LEMD3: variants seen among roughly 807,000 people sequenced by gnomAD.
LEMD3 encodes LEM domain containing 3, also known as inner nuclear membrane protein Man1.
In LEMD3, 33 loss-of-function variants were observed where a neutral mutation model predicts 95.2. The ratio of observed to expected loss-of-function variants is 0.35; its 90% CI spans 0.26 to 0.46. The LOEUF is 0.46. Ranked by LOEUF, LEMD3 falls within the 20% of genes least tolerant of loss-of-function variation. The pLI is 1.00. For missense variants in LEMD3, 1,210 were observed against 1,192.8 expected (o/e 1.01, Z -0.21); for synonymous variants, 525 against 474.6 (o/e 1.11, Z -1.38).
chr12:65,214,569 C>A (rs1388514501), intron 2 of LEMD3, among the ~76,000 whole-genome samples: 1 of 152,136 alleles, frequency 6.6e-6, no homozygotes, highest in African/African-American at 2.4e-5. Flanking sequence ...AAGCATGCCA[C>A]CCATAGTGTG....
intron 1 of LEMD3, among the ~76,000 whole-genome samples, chr12:65,208,415 A>G (rs1427783119): frequency 6.6e-6 from 1 of 152,112 alleles, no homozygotes; most frequent in Non-Finnish European, 1.5e-5. Flanking sequence ...CTAGTGACTG[A>G]ATAAAGAATG....
intron 1 of LEMD3, among the ~76,000 whole-genome samples, chr12:65,176,101 G>C (rs1312664868): frequency 6.6e-6 from 1 of 152,134 alleles, no homozygotes; most frequent in Non-Finnish European, 1.5e-5. Context: ...ACCTAAAATG[G>C]TGTCCCTGCT....
chr12:65,190,296 G>A (rs1233174558), intron 1 of LEMD3, among the ~76,000 whole-genome samples: 1 of 152,112 alleles, frequency 6.6e-6, no homozygotes, highest in African/African-American at 2.4e-5. Context: ...CTGAAAGACT[G>A]CTTCAGGCCA....
chr12:65,169,682 G>C lies in LEMD3; in HGVS notation c.86G>C (p.Gly29Ala), dbSNP rs886049773. 1.3e-6 allele frequency: 2 copies of C among 1,585,940 alleles called. No individual in the cohort carries two copies. Among genetic ancestry groups the C allele is most frequent in the African/African-American group, 2.7e-5 (2 of 74,526 alleles). The change falls in exon 1 of 13, where the codon GGA becomes GCA. Residue 29 changes from glycine to alanine, a missense_variant. Around this residue, in one of 2 missense-constraint regions of LEMD3, gnomAD observed 749 missense variants for 622.9 expected, o/e 1.20. Coordinates refer to ENST00000308330, the MANE Select transcript of LEMD3 (RefSeq NM_014319.5). ...CTCCGCCGTTACGGCCTGTCTCCCG[G>C]ACCAGTGACGGAGAGCACCCGCCCG... ...SQLRRYGLSPGPVTESTRPVY... is the reference protein window; with the variant it reads ...SQLRRYGLSPAPVTESTRPVY...
intron 6 of LEMD3, among the ~76,000 whole-genome samples, chr12:65,239,167 G>A (rs959324453): frequency 2.0e-5 from 3 of 152,076 alleles, no homozygotes; most frequent in Admixed American, 6.6e-5. Flanking sequence ...TTTTTAAAAT[G>A]TAATTTACCT....
At chr12:65,240,272 A>C (rs773148290) in intron 8 of LEMD3, 34 bp downstream of exon 8, 2 of 1,436,002 alleles carry the variant, frequency 1.4e-6, no homozygotes, top group Non-Finnish European at 9.8e-7. Context: ...CAAGTAAATC[A>C]GAAAATTTAA....
chr12:65,222,780 T>C (rs1164679548), intron 4 of LEMD3, among the ~76,000 whole-genome samples: 1 of 152,040 alleles, frequency 6.6e-6, no homozygotes, highest in Non-Finnish European at 1.5e-5. Flanking sequence ...GGCTTACCAC[T>C]GTAAACCTCT....
intron 3 of LEMD3, 73 bp downstream of exon 3, chr12:65,216,116 A>G: frequency 1.0e-6 from 1 of 968,874 alleles, no homozygotes; most frequent in Non-Finnish European, 1.7e-6. Flanking sequence ...AGTAGAAAAT[A>G]TTTTTCCAAG....
At chr12:65,191,208 G>C (rs753200777) in intron 1 of LEMD3, among the ~76,000 whole-genome samples, 47 of 151,978 alleles carry the variant, frequency 3.1e-4, no homozygotes, top group Non-Finnish European at 5.9e-4. Context: ...TCTCCTTGAA[G>C]ACGAAACACT....
chr12:65,226,423 A>T (rs2136346181), intron 4 of LEMD3, among the ~76,000 whole-genome samples: 1 of 152,238 alleles, frequency 6.6e-6, no homozygotes, highest in South Asian at 2.1e-4. Context: ...TGGTCCATGT[A>T]TTTTTGTTGA....
At chr12:65,184,961 T>G (rs1869015363) in intron 1 of LEMD3, among the ~76,000 whole-genome samples, 1 of 152,026 alleles carries the variant, frequency 6.6e-6, no homozygotes, top group African/African-American at 2.4e-5. Context: ...CTCCCCCTAT[T>G]CCCTCAATTC....
At chr12:65,232,992 A>G (rs1218573305) in intron 4 of LEMD3, among the ~76,000 whole-genome samples, 1 of 152,276 alleles carries the variant, frequency 6.6e-6, no homozygotes, top group South Asian at 2.1e-4. Context: ...GTGTGGAAAA[A>G]TGAGTGTTCT....
chr12:65,230,364 A>C (rs1404025124), intron 4 of LEMD3, among the ~76,000 whole-genome samples: 2 of 152,136 alleles, frequency 1.3e-5, no homozygotes, highest in Non-Finnish European at 2.9e-5. Flanking sequence ...ATTGCATTGA[A>C]TCTATACATA....
chr12:65,214,645 A>C (rs1221274638), intron 2 of LEMD3, among the ~76,000 whole-genome samples: 1 of 152,198 alleles, frequency 6.6e-6, no homozygotes, highest in African/African-American at 2.4e-5. Flanking sequence ...GCATGTTATT[A>C]GACATATAAA....
chr12:65,239,790 T>A lies in LEMD3; in HGVS notation c.1922-139T>A, dbSNP rs568000405. ...GAAAATGTTCAGTATTAAATTTTTT[T>A]ATGTAGTTTTAATTATATAGCTAAT... On this transcript the variant is annotated intron_variant, in intron 6 of 12. Coordinates refer to ENST00000308330, the MANE Select transcript of LEMD3 (RefSeq NM_014319.5). The A allele has an allele frequency of 1.8e-5, 11 of 608,116 alleles. No individual in the cohort carries two copies. In the African/African-American group the frequency reaches 2.0e-4, roughly 11 times the overall value. The allele number at this position is 608,116 out of a possible 1,614,324, so 37.7% of individuals were successfully genotyped here.
At chr12:65,240,820 C>A in intron 8 of LEMD3, 89 bp from the exon 9 acceptor site, 2 of 1,135,978 alleles carry the variant, frequency 1.8e-6, no homozygotes, top group Non-Finnish European at 2.7e-6. Context: ...GTAAGAACAG[C>A]TAGAGTTAAC....
chr12:65,215,937 T>TTTTTAATTGGG, intron 2 of LEMD3, 40 bp from the exon 3 acceptor site: 1 of 845,446 alleles, frequency 1.2e-6, no homozygotes, highest in Non-Finnish European at 1.9e-6. Context: ...GTTTTTTTTC[T>TTTTTAATTGGG]TGTAATTGGG....
At chr12:65,178,978 C>T (rs561539753) in intron 1 of LEMD3, among the ~76,000 whole-genome samples, 2 of 152,242 alleles carry the variant, frequency 1.3e-5, no homozygotes, top group East Asian at 3.9e-4. Context: ...TTATGAATCA[C>T]ATGGAACTAT....
At chr12:65,224,186 A>G (rs1037745671) in intron 4 of LEMD3, among the ~76,000 whole-genome samples, 1 of 152,084 alleles carries the variant, frequency 6.6e-6, no homozygotes, top group Non-Finnish European at 1.5e-5. Flanking sequence ...CTATATATTT[A>G]CCTTTATCAG....
Sources: gnomAD v4.1 joint callset for allele counts (sites outside exome capture counted in the v4.1 genomes callset) on GRCh38, gnomAD v4.1.1 for gene constraint, gnomAD v4.1.1 regional missense constraint, MANE v1.5 for transcripts, NCBI Gene and HGNC (gene_info 2026-07-23, HGNC 2026-07-21) for gene names.